Variants in ADGRB3 observed in about 807,000 individuals in gnomAD.
The protein encoded by ADGRB3 is brain-specific angiogenesis inhibitor 3.
ADGRB3 carries 37 observed loss-of-function variants against 193.4 expected under a neutral mutation model. That is an observed-to-expected ratio of 0.19 (90% CI 0.15 to 0.25). ADGRB3 has a LOEUF of 0.25. ADGRB3 is among the 10% of genes least tolerant of loss of function. ADGRB3 has a pLI of 1.00. For missense variants in ADGRB3, 1,637 were observed against 1,852.9 expected (o/e 0.88, Z 2.14); for synonymous variants, 690 against 644.2 (o/e 1.07, Z -1.08).
At chr6:69,343,124 G>A (rs1279429380) in intron 26 of ADGRB3, among the ~76,000 whole-genome samples, 2 of 147,314 alleles carry the variant, frequency 1.4e-5, no homozygotes. Context: ...TGTTGTGTAT[G>A]GAGCCTAATT....
At chr6:68,936,815 C>T (rs1767497313) in intron 5 of ADGRB3, 135 bp downstream of exon 5, 2 of 993,556 alleles carry the variant, frequency 2.0e-6, no homozygotes, top group South Asian at 2.2e-5. Context: ...TATTATTCAA[C>T]TGTAATATTT....
chr6:68,950,874 A>G (rs1362090514), intron 6 of ADGRB3, among the ~76,000 whole-genome samples: 1 of 152,172 alleles, frequency 6.6e-6, no homozygotes, highest in Non-Finnish European at 1.5e-5. Flanking sequence ...ACACAAAACC[A>G]CAATATTAGG....
At chr6:68,744,246 C>A (rs1766038396) in intron 3 of ADGRB3, among the ~76,000 whole-genome samples, 1 of 151,844 alleles carries the variant, frequency 6.6e-6, no homozygotes, top group African/African-American at 2.4e-5. Context: ...AAATAAAAAA[C>A]AGAGAGGATG....
chr6:68,994,729 A>C (rs761290743), intron 11 of ADGRB3, among the ~76,000 whole-genome samples: 1 of 152,218 alleles, frequency 6.6e-6, no homozygotes, highest in Non-Finnish European at 1.5e-5. Flanking sequence ...CATTTTCAGC[A>C]TAATGTTCTT....
At chr6:69,002,073 G>A (rs1049686592) in intron 11 of ADGRB3, among the ~76,000 whole-genome samples, 1 of 152,102 alleles carries the variant, frequency 6.6e-6, no homozygotes, top group African/African-American at 2.4e-5. Context: ...TTTCTCAATA[G>A]CTGAGATTAA....
intron 8 of ADGRB3, among the ~76,000 whole-genome samples, chr6:68,972,746 A>T (rs1212685695): frequency 6.6e-6 from 1 of 152,136 alleles, no homozygotes; most frequent in Non-Finnish European, 1.5e-5. Flanking sequence ...AAAACACCTA[A>T]CGTAAGGAAG....
intron 3 of ADGRB3, among the ~76,000 whole-genome samples, chr6:68,790,360 G>C (rs1026033166): frequency 6.6e-6 from 1 of 152,164 alleles, no homozygotes; most frequent in Non-Finnish European, 1.5e-5. Flanking sequence ...CACCTCTGGG[G>C]GCAGTTCACA....
At chr6:68,945,448 A>G (rs1048133437) in intron 6 of ADGRB3, among the ~76,000 whole-genome samples, 2 of 152,124 alleles carry the variant, frequency 1.3e-5, no homozygotes, top group Non-Finnish European at 2.9e-5. Flanking sequence ...AGGCAGACAC[A>G]CACATATGTA....
intron 3 of ADGRB3, among the ~76,000 whole-genome samples, chr6:68,893,272 G>A (rs1766129344): frequency 6.6e-6 from 1 of 151,784 alleles, no homozygotes. Context: ...TAAAGCAGCT[G>A]GCCTATCAAA....
intron 3 of ADGRB3, among the ~76,000 whole-genome samples, chr6:68,656,976 T>A (rs1054764871): frequency 1.3e-5 from 2 of 151,564 alleles, no homozygotes; most frequent in African/African-American, 4.8e-5. Flanking sequence ...TCAGGTTTTT[T>A]AAGTAATCTA....
chr6:69,200,658 G>A (rs959577263), intron 17 of ADGRB3, among the ~76,000 whole-genome samples: 1 of 152,034 alleles, frequency 6.6e-6, no homozygotes, highest in Non-Finnish European at 1.5e-5. Context: ...ATCTATGAAA[G>A]CCTCTGCAAG....
At chr6:68,687,223 T>C (rs1183991278) in intron 3 of ADGRB3, among the ~76,000 whole-genome samples, 1 of 152,090 alleles carries the variant, frequency 6.6e-6, no homozygotes, top group African/African-American at 2.4e-5. Flanking sequence ...GAGAAAAAGA[T>C]TCCATTATTA....
At chr6:68,791,301 C>A (rs748953434) in intron 3 of ADGRB3, among the ~76,000 whole-genome samples, 7 of 152,066 alleles carry the variant, frequency 4.6e-5, no homozygotes, top group Non-Finnish European at 1.0e-4. Context: ...CATGACCATG[C>A]AAGTGAATAT....
chr6:69,031,608 T>C (rs1770711462), intron 13 of ADGRB3, among the ~76,000 whole-genome samples: 1 of 121,792 alleles, frequency 8.2e-6, no homozygotes, highest in Non-Finnish European at 1.8e-5. Flanking sequence ...TCTCTTTCCT[T>C]TCTTTCCTTT....
At chr6:68,756,072 T>C (rs1244251487) in intron 3 of ADGRB3, among the ~76,000 whole-genome samples, 1 of 152,180 alleles carries the variant, frequency 6.6e-6, no homozygotes, top group Non-Finnish European at 1.5e-5. Flanking sequence ...TCTAGAGTTC[T>C]GATTAATGGG....
At chr6:68,690,972 A>AT (rs201484054) in intron 3 of ADGRB3, among the ~76,000 whole-genome samples, 269 of 152,078 alleles carry the variant, frequency 1.8e-3, no homozygotes, top group Non-Finnish European at 2.9e-3. Context: ...TCGGGCCAGT[A>AT]TTTTTTTTCT....
chr6:68,790,219 C>T (rs1216856888), intron 3 of ADGRB3, among the ~76,000 whole-genome samples: 2 of 152,130 alleles, frequency 1.3e-5, no homozygotes, highest in Non-Finnish European at 2.9e-5. Flanking sequence ...AAATTGCTAG[C>T]ACAGCGTCCG....
chr6:69,118,714 G>A (rs796970603), intron 17 of ADGRB3, among the ~76,000 whole-genome samples: 7 of 147,804 alleles, frequency 4.7e-5, no homozygotes, highest in African/African-American at 1.7e-4. Context: ...TATCAGGTTA[G>A]TACAAGAAAC....
chr6:68,906,301 T>C (rs1390259711), intron 3 of ADGRB3, among the ~76,000 whole-genome samples: 1 of 151,810 alleles, frequency 6.6e-6, no homozygotes, highest in Non-Finnish European at 1.5e-5. Context: ...ACCACATATA[T>C]TGGAGGTATA....
Sources: gnomAD v4.1 joint callset for allele counts (sites outside exome capture counted in the v4.1 genomes callset) on GRCh38, gnomAD v4.1.1 for gene constraint, MANE v1.5 for transcripts, NCBI Gene and HGNC (gene_info 2026-07-23, HGNC 2026-07-21) for gene names.